Variants in EPHA2 observed in about 807,000 individuals in gnomAD.
EPHA2 encodes ephrin type-A receptor 2.
In EPHA2, 54 loss-of-function variants were observed where a neutral mutation model predicts 104.9. The ratio of observed to expected loss-of-function variants is 0.51; its 90% CI spans 0.41 to 0.65. The LOEUF is 0.65. Ranked by LOEUF, EPHA2 falls within the 30% of genes least tolerant of loss-of-function variation. The pLI, the probability that EPHA2 is intolerant of heterozygous loss-of-function variation, is 0.00. For missense variants in EPHA2, 1,117 were observed against 1,369.5 expected (o/e 0.82, Z 2.91); for synonymous variants, 560 against 559.1 (o/e 1.00, Z -0.02).
chr1:16,145,820 C>T (rs750222028), intron 3 of EPHA2, among the ~76,000 whole-genome samples: 4 of 152,212 alleles, frequency 2.6e-5, no homozygotes, highest in South Asian at 2.1e-4. Flanking sequence ...GCCGCTGCAC[C>T]GCCTGGATTC....
chr1:16,126,183 T>C (rs1018199022), intron 16 of EPHA2, among the ~76,000 whole-genome samples: 1 of 152,002 alleles, frequency 6.6e-6, no homozygotes, highest in African/African-American at 2.4e-5. Context: ...CCCCACAGGG[T>C]ACACGCTCTC....
At chr1:16,143,169 T>TGGATGGA (rs1463726304) in intron 3 of EPHA2, among the ~76,000 whole-genome samples, 1 of 143,240 alleles carries the variant, frequency 7.0e-6, no homozygotes, top group Admixed American at 6.9e-5. Flanking sequence ...GATGGATGGA[T>TGGATGGA]GGATGGATGG....
intron 15 of EPHA2, among the ~76,000 whole-genome samples, chr1:16,129,825 A>G (rs2024540942): frequency 6.6e-6 from 1 of 152,138 alleles, no homozygotes; most frequent in Non-Finnish European, 1.5e-5. Context: ...ACCACCACCA[A>G]TAACTACCAC....
chr1:16,137,448 A>G (rs541752627), intron 5 of EPHA2, among the ~76,000 whole-genome samples: 3 of 152,140 alleles, frequency 2.0e-5, no homozygotes, highest in African/African-American at 7.2e-5. Context: ...AATACAAAAA[A>G]TTAGCTGTGT....
Position 16,125,114 on chromosome 1 carries a change from GAAAT to G in EPHA2, c.*97_*100del, listed in dbSNP as rs2024439995. 3 of 1,119,732 alleles carry G rather than the reference GAAAT, an allele frequency of 2.7e-6. No individual in the cohort carries two copies. Among genetic ancestry groups the G allele is most frequent in the East Asian group, 2.6e-5 (1 of 38,980 alleles). The allele number at this position is 1,119,732 out of a possible 1,614,324, so 69.4% of individuals were successfully genotyped here. On this transcript the variant is annotated 3_prime_UTR_variant, in exon 17 of 17. Coordinates refer to ENST00000358432, the MANE Select transcript of EPHA2 (RefSeq NM_004431.5). The surrounding 1 kb of genome is among the most constrained non-coding windows in gnomAD (Gnocchi z 4.9). ...AAGTTGCAGGGGGAGGAAAGAACTA[GAAAT>G]AAATAAAGTCCCCAGTGGCCCAGCA...
At chr1:16,141,120 A>G (rs1410396656) in intron 3 of EPHA2, among the ~76,000 whole-genome samples, 1 of 152,210 alleles carries the variant, frequency 6.6e-6, no homozygotes, top group Admixed American at 6.5e-5. Context: ...GAGAGGAGAT[A>G]AGGCCTGACC....
rs780098192 is a variant in EPHA2 at position 16,130,016 on chromosome 1, C to T, written c.2669+210G>A. Among the ~76,000 whole-genome samples, 1 of 152,210 alleles carries T rather than the reference C, an allele frequency of 6.6e-6. No individual in the cohort carries two copies. The highest frequency in any genetic ancestry group is 1.5e-5 in the Non-Finnish European group (1 of 68,046). On this transcript the variant is annotated intron_variant, in intron 15 of 16. Transcript: ENST00000358432. This position sits in a 1 kb window ranked among gnomAD's most constrained non-coding sequence, Gnocchi z 4.5. ...TGAATGAAAACATATTAAGTGCTCA[C>T]GCAGTGCCCTGCACACAGACACATA...
At position 16,148,454 on chromosome 1, in the gene EPHA2, C is replaced by G; in HGVS notation, c.747G>C (p.Val249=). Residue 249 remains valine, a synonymous_variant, in exon 3 of 17, where the codon GTG becomes GTC. Transcript: ENST00000358432. The surrounding 1 kb of genome is among the most constrained non-coding windows in gnomAD (Gnocchi z 4.9). ...GGEEPRMHCA[V]DGEWLVPIGQ... ...CAATGGGCACCAGCCACTCGCCATC[C>G]ACTGCACAGTGCATACGGGGCTCTT... The G allele has an allele frequency of 6.2e-7, 1 of 1,613,926 alleles. No individual in the cohort carries two copies. The highest frequency in any genetic ancestry group is 1.3e-5 in the African/African-American group (1 of 75,082).
At chr1:16,151,751 A>G (rs1187210301) in intron 1 of EPHA2, among the ~76,000 whole-genome samples, 6 of 152,098 alleles carry the variant, frequency 3.9e-5, no homozygotes, top group Non-Finnish European at 8.8e-5. Context: ...CTGCCCTGCC[A>G]GGGGTGCCAG....
At position 16,146,958 on chromosome 1, in the gene EPHA2, A is replaced by G. The variant is rs149343746; in HGVS notation, c.823+1420T>C. On this transcript the variant is annotated intron_variant, in intron 3 of 16. Coordinates refer to ENST00000358432, the MANE Select transcript of EPHA2 (RefSeq NM_004431.5). ...TAGCCAAGGTGTGTGCAACGCAGCCACTAAACCTCCAATTCCTTAACGTCC... is the reference window on the plus strand; with the variant it reads ...TAGCCAAGGTGTGTGCAACGCAGCCGCTAAACCTCCAATTCCTTAACGTCC... Among the ~76,000 whole-genome samples, 122 of 152,352 alleles carry G rather than the reference A, an allele frequency of 8.0e-4. 1 individual carries two copies. Among genetic ancestry groups the G allele is most frequent in the Non-Finnish European group, 1.4e-3 (94 of 68,028 alleles).
In EPHA2 at chr1:16,150,963, A is replaced by C. The variant is rs758708996; in HGVS notation, c.86T>G (p.Val29Gly). The stretch of plus-strand genomic sequence containing the variant: ...AGCTGCAGCAAAGTCCAGCAGTACC[A>C]CTGAAAGGGAGAAGGGAGAGGGGGT... ...AAAAAAQGKE[V>G]VLLDFAAAGG... The change falls in exon 2 of 17, where the codon GTG becomes GGG. Residue 29 changes from valine (V) to glycine (G), a missense_variant and splice_region_variant. Val to Gly is a moderately radical substitution (Grantham distance 109). Around this residue, in one of 3 missense-constraint regions of EPHA2, gnomAD observed 664 missense variants for 784.8 expected, o/e 0.85. Coordinates refer to ENST00000358432, the MANE Select transcript of EPHA2 (RefSeq NM_004431.5). The surrounding 1 kb of genome is among the most constrained non-coding windows in gnomAD (Gnocchi z 4.8). 6.2e-7 allele frequency: 1 copy of C among 1,613,960 alleles called. No individual in the cohort carries two copies. The highest frequency in any genetic ancestry group is 8.5e-7 in the Non-Finnish European group (1 of 1,179,982).
chr1:16,148,696 A>G lies in EPHA2; in HGVS notation c.505T>C (p.Ser169Pro), dbSNP rs1343332503. The G allele has an allele frequency of 6.2e-7, 1 of 1,612,298 alleles. No individual in the cohort carries two copies. Among genetic ancestry groups the G allele is most frequent in the Non-Finnish European group, 8.5e-7 (1 of 1,180,030 alleles). ...RHVKLNVEER[S>P]VGPLTRKGFY... is the part of the protein sequence containing the mutation. ...CCTTTGCGGGTGAGCGGCCCCACGG[A>G]GCGCTCCTCCACGTTCAGCTTCACG... Residue 169 changes from serine (S) to proline (P), a missense_variant, in exon 3 of 17, where the codon TCC becomes CCC. Physicochemically the swap from Ser to Pro is moderately conservative, Grantham distance 74. This residue lies in a region of EPHA2 where 664 missense variants were observed against 784.8 expected (regional missense o/e 0.85). Transcript: ENST00000358432. This position sits in a 1 kb window ranked among gnomAD's most constrained non-coding sequence, Gnocchi z 4.9.
In EPHA2 at chr1:16,130,193, G is replaced by A. The variant is rs2124194865; in HGVS notation, c.2669+33C>T. 6.2e-7 allele frequency: 1 copy of A among 1,613,900 alleles called. No individual in the cohort carries two copies. Among genetic ancestry groups the A allele is most frequent in the African/African-American group, 1.3e-5 (1 of 75,038 alleles). ...TTCAAGAGTCTGCAGAAGGAAAATT[G>A]AGGTCATCATGGGCAGAGGGCATAG... On this transcript the variant is annotated intron_variant, in intron 15 of 16. Transcript: ENST00000358432. The surrounding 1 kb of genome is among the most constrained non-coding windows in gnomAD (Gnocchi z 4.5).
At chr1:16,143,774 G>C (rs1268863689) in intron 3 of EPHA2, among the ~76,000 whole-genome samples, 1 of 152,164 alleles carries the variant, frequency 6.6e-6, no homozygotes, top group Non-Finnish European at 1.5e-5. Context: ...AACCACCTTG[G>C]CCCAGGGATG....
Position 16,124,979 on chromosome 1 carries a change from GC to G in EPHA2, c.*235del, listed in dbSNP as rs1364315813. 1 of 552,300 alleles carries G rather than the reference GC, an allele frequency of 1.8e-6. No homozygotes were observed. The highest frequency in any genetic ancestry group is 3.3e-6 in the Non-Finnish European group (1 of 305,204). The allele number at this position is 552,300 out of a possible 1,614,324, so 34.2% of individuals were successfully genotyped here. On this transcript the variant is annotated 3_prime_UTR_variant, in exon 17 of 17. Coordinates refer to ENST00000358432, the MANE Select transcript of EPHA2 (RefSeq NM_004431.5). ...TCCAGGGATGCTGGGACGTGGCGGT[GC>G]CTGCTAAGTGCTCAGCTGTGTGCGT... is the stretch of plus-strand genomic sequence containing the variant.
intron 3 of EPHA2, among the ~76,000 whole-genome samples, chr1:16,147,985 C>T (rs2024964576): frequency 6.6e-6 from 1 of 151,852 alleles, no homozygotes; most frequent in South Asian, 2.1e-4. Context: ...AATTGATTCT[C>T]GTGCTTCAGC....
In EPHA2 at chr1:16,131,350, C is replaced by T. The variant is rs1194940960; in HGVS notation, c.2475+371G>A. ...ATCCCAGCACTTTGGGAGGCTGAGGCATGTGGATCACCTGAAGCGAGGAGC... is the reference window on the plus strand; with the variant it reads ...ATCCCAGCACTTTGGGAGGCTGAGGTATGTGGATCACCTGAAGCGAGGAGC... On this transcript the variant is annotated intron_variant, in intron 14 of 16. Coordinates refer to ENST00000358432, the MANE Select transcript of EPHA2 (RefSeq NM_004431.5). This position sits in a 1 kb window ranked among gnomAD's most constrained non-coding sequence, Gnocchi z 5.2. 6.6e-6 allele frequency among the ~76,000 whole-genome samples: 1 copy of T among 152,166 alleles called. No individual in the cohort carries two copies. Among genetic ancestry groups the T allele is most frequent in the Non-Finnish European group, 1.5e-5 (1 of 68,020 alleles).
intron 3 of EPHA2, among the ~76,000 whole-genome samples, chr1:16,144,202 GC>G (rs2024885426): frequency 6.6e-6 from 1 of 152,168 alleles, no homozygotes; most frequent in Admixed American, 6.5e-5. Flanking sequence ...GCCTAGCTTT[GC>G]CCCCAGTGTG....
Position 16,156,017 on chromosome 1 carries a change from C to A in EPHA2, c.-85G>T. 1 of 1,223,688 alleles carries A rather than the reference C, an allele frequency of 8.2e-7. No individual in the cohort carries two copies. The highest frequency in any genetic ancestry group is 1.7e-5 in the South Asian group (1 of 59,196). 75.8% of individuals were successfully genotyped at this position (1,223,688 alleles called of 1,614,324 possible). A position where few individuals can be genotyped will look rare whatever the true frequency, so the allele number is the denominator to read the frequency against. On this transcript the variant is annotated 5_prime_UTR_variant, in exon 1 of 17. Transcript: ENST00000358432. ...CTGCACGCCGGCCTCGGTGTCCGCT[C>A]CCGCCCGCCGGCCTGCGCGCAACTT...
Sources: allele counts gnomAD v4.1 joint callset (sites outside exome capture counted in the v4.1 genomes callset), GRCh38; gene constraint gnomAD v4.1.1; regional missense constraint gnomAD v4.1.1; non-coding constraint Gnocchi (gnomAD v3.1); transcripts MANE v1.5; gene names NCBI Gene and HGNC (gene_info 2026-07-23, HGNC 2026-07-21).